AFF1: variants seen among roughly 807,000 people sequenced by gnomAD.
AFF1 encodes the protein AF4/FMR2 family member 1.
A neutral mutation model predicts 121.7 loss-of-function variants in AFF1; 48 were observed. The observed-to-expected ratio is 0.39, with a 90% CI of 0.31 to 0.50. The LOEUF (loss-of-function observed/expected upper bound fraction) is 0.50. Among genes scored for constraint, AFF1 ranks in the 20% least tolerant of loss-of-function variants. The pLI is 0.76. For synonymous variants in AFF1, 613 were observed against 563.0 expected (o/e 1.09, Z -1.26); for missense variants, 1,523 against 1,511.7 (o/e 1.01, Z -0.12).
rs753711071 is a variant in AFF1 at position 87,046,683 on chromosome 4, CT to C, written c.160-4del. The stretch of plus-strand genomic sequence containing the variant: ...AGTTTTTTTTCATTCTCAAATTCTC[CT>C]TTTTTTTCAGACAGCAAAAGGTGAT... On this transcript the variant is annotated splice_polypyrimidine_tract_variant and intron_variant, in intron 3 of 20. Transcript: ENST00000395146. The C allele has an allele frequency of 1.7e-5, 27 of 1,580,036 alleles. No homozygotes were observed. The highest frequency in any genetic ancestry group is 4.1e-5 in the African/African-American group (3 of 73,200).
Position 87,140,379 on chromosome 4 carries a change from G to C in AFF1, c.*4678G>C, listed in dbSNP as rs1578340415. ...TATGTGTGTATGTACGCACGCATGT[G>C]TCCCAAATCTTGTTTTAATTTTTTT... On this transcript the variant is annotated 3_prime_UTR_variant, in exon 21 of 21. Coordinates refer to ENST00000395146, the MANE Select transcript of AFF1 (RefSeq NM_001166693.3). The C allele has an allele frequency of 5.2e-6, 1 of 193,012 alleles. No individual in the cohort carries two copies. Among genetic ancestry groups the C allele is most frequent in the East Asian group, 8.1e-5 (1 of 12,310 alleles). 12.0% of individuals were successfully genotyped at this position (193,012 alleles called of 1,614,324 possible).
chr4:87,048,228 G>A (rs992350757), intron 4 of AFF1, among the ~76,000 whole-genome samples: 1 of 152,094 alleles, frequency 6.6e-6, no homozygotes, highest in Non-Finnish European at 1.5e-5. Flanking sequence ...TGGGTATACG[G>A]TGACATTTCA....
At chr4:87,070,225 A>G (rs1275892437) in intron 4 of AFF1, among the ~76,000 whole-genome samples, 3 of 152,098 alleles carry the variant, frequency 2.0e-5, no homozygotes, top group Admixed American at 6.5e-5. Context: ...GCTAGTCTCA[A>G]TCTCCTGACC....
intron 4 of AFF1, among the ~76,000 whole-genome samples, chr4:87,080,793 T>G (rs1408695842): frequency 6.6e-6 from 1 of 152,234 alleles, no homozygotes; most frequent in Non-Finnish European, 1.5e-5. Context: ...CTTGTAGATC[T>G]TTCCCTGTAA....
intron 2 of AFF1, chr4:87,006,972 T>C: frequency 4.8e-6 from 5 of 1,051,012 alleles, no homozygotes; most frequent in Non-Finnish European, 5.7e-6. Context: ...CTCGGACAAC[T>C]TCAAGTGAGC....
intron 2 of AFF1, among the ~76,000 whole-genome samples, chr4:86,980,957 T>TC (rs70953631): frequency 3.3e-5 from 4 of 122,414 alleles, no homozygotes; most frequent in African/African-American, 6.2e-5. Context: ...ACCCCCCCCC[T>TC]CCACCAAAAA....
chr4:87,124,877 C>A (rs1728069462), intron 12 of AFF1, among the ~76,000 whole-genome samples, 160 bp from the exon 13 acceptor site: 1 of 152,196 alleles, frequency 6.6e-6, no homozygotes, highest in Non-Finnish European at 1.5e-5. Context: ...CCATCACACT[C>A]ACACACAGAC....
In AFF1 at chr4:87,115,186, G is replaced by C. The variant is rs779224630; in HGVS notation, c.2353G>C (p.Gly785Arg). 1 of 1,614,032 alleles carries C rather than the reference G, an allele frequency of 6.2e-7. No individual in the cohort carries two copies. The highest frequency in any genetic ancestry group is 1.1e-5 in the South Asian group (1 of 91,082). The change falls in exon 12 of 21, where the codon GGG becomes CGG. Residue 785 changes from glycine to arginine, a missense_variant. Gly to Arg is a moderately radical substitution (Grantham distance 125, BLOSUM62 -2). Around this residue, in one of 5 missense-constraint regions of AFF1, gnomAD observed 905 missense variants for 842.5 expected, o/e 1.07. Transcript: ENST00000395146. ...GCTCTCTCGGATACCCCAGCCTCCC[G>C]GGAAGGGGAGCCGCCAGAGGAAAGC... The part of the protein sequence containing the change: ...DLLSRIPQPP[G>R]KGSRQRKAED...
At position 87,089,784 on chromosome 4, in the gene AFF1, G is replaced by GT. The variant is rs1188636140; in HGVS notation, c.1105-194dup. On this transcript the variant is annotated intron_variant, in intron 5 of 20. Transcript: ENST00000395146. ...GTCTTCTACAAACTGGCGTTTTTTA[G>GT]TTTTTTATGTTGGAGAGCTTTAACT... Among the ~76,000 whole-genome samples the GT allele has an allele frequency of 4.6e-5, 7 of 152,114 alleles. No individual in the cohort carries two copies. The East Asian group carries it at 1.2e-3, about 25-fold the overall frequency.
At chr4:86,975,844 A>AG (rs1478094105) in intron 2 of AFF1, among the ~76,000 whole-genome samples, 3 of 152,324 alleles carry the variant, frequency 2.0e-5, no homozygotes, top group Non-Finnish European at 4.4e-5. Context: ...AGTACTGTGA[A>AG]GGGGGAAAAG....
chr4:87,083,969 T>G (rs962654752), intron 4 of AFF1, 151 bp from the exon 5 acceptor site: 2 of 678,706 alleles, frequency 2.9e-6, no homozygotes, highest in African/African-American at 3.6e-5. Context: ...TTTTGCCATG[T>G]TGCCCAGGCT....
intron 2 of AFF1, among the ~76,000 whole-genome samples, chr4:87,035,034 A>C (rs181274316): frequency 4.6e-5 from 7 of 152,344 alleles, no homozygotes; most frequent in Non-Finnish European, 7.3e-5. Flanking sequence ...ACATATATAA[A>C]GTCTATCTAG....
intron 12 of AFF1, among the ~76,000 whole-genome samples, chr4:87,115,989 G>A (rs1014023993): frequency 6.6e-6 from 1 of 152,048 alleles, no homozygotes; most frequent in Non-Finnish European, 1.5e-5. Context: ...GTTGAGATCT[G>A]ATCTGAATTG....
At chr4:87,103,989 G>T (rs184836177) in intron 8 of AFF1, among the ~76,000 whole-genome samples, 7 of 152,064 alleles carry the variant, frequency 4.6e-5, no homozygotes, top group African/African-American at 1.7e-4. Context: ...TTTATCTTTT[G>T]TTTGTGTATA....
chr4:87,038,990 G>T (rs1027860535), intron 2 of AFF1, among the ~76,000 whole-genome samples: 1 of 152,108 alleles, frequency 6.6e-6, no homozygotes, highest in Non-Finnish European at 1.5e-5. Context: ...TGTGGGCCGT[G>T]AGTTGCCATG....
chr4:87,020,901 A>G (rs1006666616), intron 2 of AFF1: 126 of 901,314 alleles, frequency 1.4e-4, no homozygotes, highest in Non-Finnish European at 1.6e-4. Context: ...AGTATAGGTG[A>G]TATTTCTTAA....
At chr4:86,981,697 C>T (rs1259949212) in intron 2 of AFF1, among the ~76,000 whole-genome samples, 1 of 152,132 alleles carries the variant, frequency 6.6e-6, no homozygotes, top group Non-Finnish European at 1.5e-5. Flanking sequence ...ATAGCTCCAG[C>T]CCCCAACACG....
intron 2 of AFF1, among the ~76,000 whole-genome samples, chr4:87,041,176 C>T (rs966465728): frequency 2.0e-5 from 3 of 152,050 alleles, no homozygotes; most frequent in Admixed American, 1.3e-4. Context: ...CCCACCTGGC[C>T]GCAAGTCAAT....
At chr4:87,016,898 T>C (rs1230547184) in intron 2 of AFF1, among the ~76,000 whole-genome samples, 4 of 152,200 alleles carry the variant, frequency 2.6e-5, no homozygotes, top group Non-Finnish European at 4.4e-5. Flanking sequence ...CTGGCCATAC[T>C]TGAATAATTT....
Sources: allele counts gnomAD v4.1 joint callset (sites outside exome capture counted in the v4.1 genomes callset), GRCh38; gene constraint gnomAD v4.1.1; regional missense constraint gnomAD v4.1.1; transcripts MANE v1.5; gene names NCBI Gene and HGNC (gene_info 2026-07-23, HGNC 2026-07-21).